TNFRSF10D: variants seen among roughly 807,000 people sequenced by gnomAD.
TNFRSF10D encodes the protein tumor necrosis factor receptor superfamily member 10D.
A neutral mutation model predicts 42.1 loss-of-function variants in TNFRSF10D; 28 were observed. That is an observed-to-expected ratio of 0.66 (90% CI 0.49 to 0.91). The LOEUF is 0.91. TNFRSF10D is among the 40% of genes least tolerant of loss of function. The probability of loss-of-function intolerance (pLI) is 0.00; values close to 1 mark genes in which losing one functional copy is unlikely to be tolerated. For missense variants in TNFRSF10D, 503 were observed against 486.1 expected, an observed-to-expected ratio of 1.03 and a Z score of -0.33; for synonymous variants, 186 against 189.4, an observed-to-expected ratio of 0.98 and a Z score of 0.15.
chr8:23,149,203 A>AAAAAG (rs958275970), intron 2 of TNFRSF10D, among the ~76,000 whole-genome samples: 21 of 148,010 alleles, frequency 1.4e-4, no homozygotes, highest in Admixed American at 3.4e-4. Context: ...AAAAAAAAAA[A>AAAAAG]AAAAGAAAAG....
At chr8:23,144,415 C>T (rs1239465160) in intron 7 of TNFRSF10D, 35 bp downstream of exon 7, 3 of 1,600,700 alleles carry the variant, frequency 1.9e-6, no homozygotes, top group Admixed American at 3.4e-5. Context: ...GTGCAGGCTG[C>T]ACGCCAGGCA....
intron 1 of TNFRSF10D, among the ~76,000 whole-genome samples, chr8:23,163,575 G>A (rs1443964304): frequency 6.6e-6 from 1 of 152,186 alleles, no homozygotes; most frequent in Admixed American, 6.5e-5. Context: ...GCCAGGGGGA[G>A]CGCGCGCTCT....
intron 2 of TNFRSF10D, among the ~76,000 whole-genome samples, chr8:23,149,446 C>T (rs545642873): frequency 1.1e-4 from 17 of 151,448 alleles, no homozygotes; most frequent in African/African-American, 4.1e-4. Context: ...ATCATATTGG[C>T]CAGGCTGGTC....
At chr8:23,159,650 G>A (rs1326753131) in intron 1 of TNFRSF10D, among the ~76,000 whole-genome samples, 1 of 152,116 alleles carries the variant, frequency 6.6e-6, no homozygotes, top group Non-Finnish European at 1.5e-5. Flanking sequence ...GATCACCTGA[G>A]CTCGACTTCG....
At chr8:23,144,759 A>G in intron 6 of TNFRSF10D, 124 bp from the exon 7 acceptor site, 3 of 1,216,306 alleles carry the variant, frequency 2.5e-6, no homozygotes, top group Non-Finnish European at 3.4e-6. Context: ...GCTGAGGCTC[A>G]GCACATCCAG....
chr8:23,147,330 AG>A (rs1800134461), intron 3 of TNFRSF10D, among the ~76,000 whole-genome samples: 1 of 152,216 alleles, frequency 6.6e-6, no homozygotes, highest in Non-Finnish European at 1.5e-5. Flanking sequence ...GTCAGTAGCA[AG>A]GGAGGCGCAA....
At chr8:23,141,764 T>G (rs1367218513) in intron 7 of TNFRSF10D, among the ~76,000 whole-genome samples, 1 of 151,860 alleles carries the variant, frequency 6.6e-6, no homozygotes, top group African/African-American at 2.4e-5. Context: ...AAAACTACAG[T>G]GGGATACCAT....
At chr8:23,145,549 CA>C in intron 5 of TNFRSF10D, 118 bp downstream of exon 5, 10 of 1,491,538 alleles carry the variant, frequency 6.7e-6, no homozygotes, top group Non-Finnish European at 9.1e-6. Context: ...GAAGGAAGAC[CA>C]AGCCAGGCTG....
chr8:23,156,203 G>C (rs955239179), intron 1 of TNFRSF10D, among the ~76,000 whole-genome samples: 4 of 151,868 alleles, frequency 2.6e-5, no homozygotes, highest in Admixed American at 1.3e-4. Context: ...AATTTTTTTT[G>C]CATAGTTTTT....
At chr8:23,139,683 C>T (rs985390681) in intron 7 of TNFRSF10D, among the ~76,000 whole-genome samples, 1 of 152,102 alleles carries the variant, frequency 6.6e-6, no homozygotes, top group African/African-American at 2.4e-5. Context: ...CTAGTCAGAG[C>T]ACTCAGGCAA....
intron 1 of TNFRSF10D, among the ~76,000 whole-genome samples, chr8:23,158,277 T>C (rs762800487): frequency 6.6e-6 from 1 of 152,242 alleles, no homozygotes; most frequent in African/African-American, 2.4e-5. Flanking sequence ...CTGAAGGTGC[T>C]GTGGACCCAT....
chr8:23,156,005 A>C (rs942413227), intron 1 of TNFRSF10D, among the ~76,000 whole-genome samples: 1 of 152,212 alleles, frequency 6.6e-6, no homozygotes, highest in South Asian at 2.1e-4. Context: ...GAAAAAGATA[A>C]AACAGCAATT....
chr8:23,146,304 G>A (rs774848848), intron 4 of TNFRSF10D, among the ~76,000 whole-genome samples: 21 of 152,152 alleles, frequency 1.4e-4, no homozygotes, highest in Non-Finnish European at 2.1e-4. Flanking sequence ...GTGAGTCCTC[G>A]CCCCACCCTG....
chr8:23,138,213 T>C lies in TNFRSF10D; in HGVS notation c.1002A>G (p.Pro334=). The change falls in exon 8 of 9, where the codon CCA becomes CCG. Residue 334 remains proline (P), a synonymous_variant. Coordinates refer to ENST00000312584, the MANE Select transcript of TNFRSF10D (RefSeq NM_003840.5). ...EGCQRRRLLV[P]VNDADSADIS... ...TGTCAGCGGAGTCAGCGTCATTCAC[T>C]GGAACCAGCAGCCTCCTCCTCTGAC... The C allele has an allele frequency of 6.2e-7, 1 of 1,614,218 alleles. No individual in the cohort carries two copies. Among genetic ancestry groups the C allele is most frequent in the Non-Finnish European group, 8.5e-7 (1 of 1,180,034 alleles).
intron 6 of TNFRSF10D, 65 bp downstream of exon 6, chr8:23,144,993 C>A: frequency 3.7e-6 from 6 of 1,608,772 alleles, no homozygotes; most frequent in African/African-American, 1.3e-5. Context: ...CACCCAGGCT[C>A]GGCAGTGGAT....
At chr8:23,154,830 T>C in intron 2 of TNFRSF10D, 44 bp downstream of exon 2, 1 of 1,546,710 alleles carries the variant, frequency 6.5e-7, no homozygotes, top group Admixed American at 1.9e-5. Flanking sequence ...ACAATGTTTA[T>C]CTGTCAACTA....
At chr8:23,149,988 A>G (rs1445574881) in intron 2 of TNFRSF10D, among the ~76,000 whole-genome samples, 2 of 152,156 alleles carry the variant, frequency 1.3e-5, no homozygotes, top group African/African-American at 2.4e-5. Context: ...ATCATCCAAC[A>G]TGTCCCTATG....
At chr8:23,140,652 G>A (rs1814448209) in intron 7 of TNFRSF10D, among the ~76,000 whole-genome samples, 1 of 152,220 alleles carries the variant, frequency 6.6e-6, no homozygotes, top group African/African-American at 2.4e-5. Context: ...ATTATTGGAA[G>A]TAACTGAATC....
At chr8:23,160,943 CTG>C (rs1288867622) in intron 1 of TNFRSF10D, among the ~76,000 whole-genome samples, 1 of 152,276 alleles carries the variant, frequency 6.6e-6, no homozygotes, top group Non-Finnish European at 1.5e-5. Flanking sequence ...TCTGGCTCCT[CTG>C]TTCCTCGATG....
Sources: gnomAD v4.1 joint callset for allele counts (sites outside exome capture counted in the v4.1 genomes callset) on GRCh38, gnomAD v4.1.1 for gene constraint, MANE v1.5 for transcripts, NCBI Gene and HGNC (gene_info 2026-07-23, HGNC 2026-07-21) for gene names.